LSM6: variants seen among roughly 807,000 people sequenced by gnomAD.
LSM6 encodes the protein U6 snRNA-associated Sm-like protein LSm6.
A neutral mutation model predicts 13.5 loss-of-function variants in LSM6; 2 were observed. The ratio of observed to expected loss-of-function variants is 0.15; its 90% CI spans 0.06 to 0.47. The LOEUF is 0.47. Ranked by LOEUF, LSM6 falls within the 20% of genes least tolerant of loss-of-function variation. The probability of loss-of-function intolerance (pLI) is 0.97; values close to 1 mark genes in which losing one functional copy is unlikely to be tolerated. For synonymous variants in LSM6, 43 were observed against 34.9 expected (o/e 1.23, Z -0.82); for missense variants, 58 against 96.4 (o/e 0.60, Z 1.67).
At chr4:146,186,619 T>C (rs921132598) in intron 2 of LSM6, among the ~76,000 whole-genome samples, 7 of 152,228 alleles carry the variant, frequency 4.6e-5, no homozygotes, top group South Asian at 2.1e-4. Context: ...TTAGTTTTGA[T>C]TGGAAAATAT....
Position 146,191,322 on chromosome 4 carries a change from A to T in LSM6, c.*1666A>T, listed in dbSNP as rs1406584240. 3 of 152,192 alleles carry T rather than the reference A, an allele frequency of 2.0e-5. No homozygotes were observed. The highest frequency in any genetic ancestry group is 6.5e-5 in the Admixed American group (1 of 15,284). 9.4% of individuals were successfully genotyped at this position (152,192 alleles called of 1,614,324 possible). A position where few individuals can be genotyped will look rare whatever the true frequency, so the allele number is the denominator to read the frequency against. On this transcript the variant is annotated 3_prime_UTR_variant, in exon 4 of 4. Transcript: ENST00000296581. ...CCACCTCTAAAAGCAATTCCATTGT[A>T]GTCTCCCACTAATCTGTAGCGTCCT...
At chr4:146,180,970 T>C (rs1342621225) in intron 1 of LSM6, 1 of 152,256 alleles carries the variant, frequency 6.6e-6, no homozygotes, top group Non-Finnish European at 1.5e-5. Context: ...ATTTTGTATT[T>C]TTTCACTTTG....
chr4:146,177,631 T>A (rs1730140285), intron 1 of LSM6, among the ~76,000 whole-genome samples: 1 of 145,480 alleles, frequency 6.9e-6, no homozygotes. Context: ...ATTTTTTTTA[T>A]TTTTATTTAT....
At chr4:146,183,340 C>G (rs532019074) in intron 2 of LSM6, 16 of 241,920 alleles carry the variant, frequency 6.6e-5, no homozygotes, top group South Asian at 4.1e-4. Flanking sequence ...TGAAGAACAT[C>G]TTGGTGCAGC....
chr4:146,183,142 A>G (rs2110884692), intron 2 of LSM6, 127 bp downstream of exon 2: 1 of 614,994 alleles, frequency 1.6e-6, no homozygotes, highest in Non-Finnish European at 3.0e-6. Context: ...GTTTTTATGC[A>G]TATATCTTTT....
intron 2 of LSM6, among the ~76,000 whole-genome samples, chr4:146,185,253 T>A (rs1158573194): frequency 6.6e-6 from 1 of 152,204 alleles, no homozygotes; most frequent in Non-Finnish European, 1.5e-5. Context: ...CCAACTCTTG[T>A]ATTAGCTTTT....
chr4:146,181,875 G>A (rs1730240367), intron 1 of LSM6, among the ~76,000 whole-genome samples: 1 of 152,130 alleles, frequency 6.6e-6, no homozygotes, highest in African/African-American at 2.4e-5. Context: ...GAAAAGATGC[G>A]TTTTGAAAGG....
At chr4:146,180,184 T>G (rs1042056965) in intron 1 of LSM6, among the ~76,000 whole-genome samples, 23 of 152,278 alleles carry the variant, frequency 1.5e-4, no homozygotes, top group Non-Finnish European at 2.4e-4. Flanking sequence ...GAGAGTGTTC[T>G]CTGCCCTTTT....
At chr4:146,187,767 C>T (rs1211524424) in intron 3 of LSM6, among the ~76,000 whole-genome samples, 14 of 152,144 alleles carry the variant, frequency 9.2e-5, no homozygotes, top group East Asian at 1.9e-4. Context: ...TTTGGCAGTT[C>T]GTCCTATTTG....
At chr4:146,179,121 A>G (rs1399103452) in intron 1 of LSM6, among the ~76,000 whole-genome samples, 1 of 152,236 alleles carries the variant, frequency 6.6e-6, no homozygotes, top group Non-Finnish European at 1.5e-5. Context: ...CTTAATAGTC[A>G]TTTATGAAAA....
chr4:146,181,427 T>C (rs897389350), intron 1 of LSM6: 2 of 152,198 alleles, frequency 1.3e-5, no homozygotes, highest in Admixed American at 6.5e-5. Flanking sequence ...ATTTCCTTGC[T>C]CAGTGTGTAC....
chr4:146,184,844 G>T (rs957187295), intron 2 of LSM6, among the ~76,000 whole-genome samples: 1 of 152,096 alleles, frequency 6.6e-6, no homozygotes, highest in Non-Finnish European at 1.5e-5. Flanking sequence ...GAAAGCCAAG[G>T]ATCCCCAATG....
chr4:146,183,129 G>A, intron 2 of LSM6, 114 bp downstream of exon 2: 1 of 680,284 alleles, frequency 1.5e-6, no homozygotes. Context: ...CTGGTCATCA[G>A]TAGTTTTTAT....
chr4:146,182,027 T>C (rs1030683221), intron 1 of LSM6, among the ~76,000 whole-genome samples: 1 of 152,146 alleles, frequency 6.6e-6, no homozygotes, highest in African/African-American at 2.4e-5. Context: ...ATAGTCCTAA[T>C]AGAGTAATTA....
At chr4:146,177,376 A>G (rs1730134970) in intron 1 of LSM6, among the ~76,000 whole-genome samples, 1 of 152,232 alleles carries the variant, frequency 6.6e-6, no homozygotes, top group Admixed American at 6.5e-5. Context: ...ATCATCGGAG[A>G]GACCTGTAAC....
chr4:146,175,858 C>G (rs1271091230), intron 1 of LSM6, 47 bp downstream of exon 1: 1 of 152,426 alleles, frequency 6.6e-6, no homozygotes, highest in African/African-American at 2.4e-5. Context: ...GGGCGCAGCC[C>G]CAGGTTCGGT....
chr4:146,178,496 C>T (rs1388632833), intron 1 of LSM6, among the ~76,000 whole-genome samples: 2 of 152,234 alleles, frequency 1.3e-5, no homozygotes, highest in African/African-American at 2.4e-5. Flanking sequence ...TTCTGCCTAT[C>T]TGATCGCCTC....
intron 1 of LSM6, 112 bp from the exon 2 acceptor site, chr4:146,182,800 A>T: frequency 1.5e-6 from 1 of 666,282 alleles, no homozygotes; most frequent in South Asian, 1.7e-5. Flanking sequence ...GTCTTCTCGC[A>T]TGGTCCTTTG....
intron 2 of LSM6, among the ~76,000 whole-genome samples, chr4:146,183,990 A>G (rs1337750794): frequency 6.6e-6 from 1 of 151,578 alleles, no homozygotes; most frequent in Non-Finnish European, 1.5e-5. Flanking sequence ...CAAAAACAGA[A>G]GTTTATTTTC....
Sources: gnomAD v4.1 joint callset for allele counts (sites outside exome capture counted in the v4.1 genomes callset) on GRCh38, gnomAD v4.1.1 for gene constraint, MANE v1.5 for transcripts, NCBI Gene and HGNC (gene_info 2026-07-23, HGNC 2026-07-21) for gene names.